The following INPP5D variants were observed in gnomAD, a reference collection of about 807,000 sequenced individuals.
INPP5D encodes inositol polyphosphate-5-phosphatase D.
A neutral mutation model predicts 122.9 loss-of-function variants in INPP5D; 33 were observed. That is an observed-to-expected ratio of 0.27 (90% confidence interval 0.20 to 0.36). INPP5D has a LOEUF of 0.36. Ranked by LOEUF, INPP5D falls within the 10% of genes least tolerant of loss-of-function variation. The pLI, the probability that INPP5D is intolerant of heterozygous loss-of-function variation, is 1.00. For synonymous variants in INPP5D, 584 were observed against 576.2 expected, an observed-to-expected ratio of 1.01 and a Z score of -0.19; for missense variants, 1,053 against 1,412.7, an observed-to-expected ratio of 0.75 and a Z score of 4.08.
At chr2:233,199,263 T>G (rs1307566093) in intron 25 of INPP5D, among the ~76,000 whole-genome samples, 2 of 130,928 alleles carry the variant, frequency 1.5e-5, no homozygotes, top group Non-Finnish European at 3.4e-5. Flanking sequence ...GGTGCATGCC[T>G]GTAATCCCAG....
intron 6 of INPP5D, among the ~76,000 whole-genome samples, chr2:233,144,796 G>A (rs1278302887): frequency 6.6e-6 from 1 of 151,966 alleles, no homozygotes; most frequent in Non-Finnish European, 1.5e-5. Flanking sequence ...GATTGTGGTG[G>A]CCATGCTGAT....
intron 25 of INPP5D, among the ~76,000 whole-genome samples, chr2:233,200,302 T>C (rs1695299000): frequency 6.6e-6 from 1 of 152,214 alleles, no homozygotes; most frequent in South Asian, 2.1e-4. Context: ...GAGCTCTACA[T>C]GTTTCTAGTA....
chr2:233,160,060 G>A lies in INPP5D; in HGVS notation c.1137+1641G>A, dbSNP rs974912966. 3.3e-5 allele frequency among the ~76,000 whole-genome samples: 5 copies of A among 152,126 alleles called. No homozygotes were observed. The highest frequency in any genetic ancestry group is 4.1e-4 in the South Asian group (2 of 4,828). On this transcript the variant is annotated intron_variant, in intron 10 of 26. Coordinates refer to ENST00000445964, the MANE Select transcript of INPP5D (RefSeq NM_001017915.3). This position sits in a 1 kb window ranked among gnomAD's most constrained non-coding sequence, Gnocchi z 4.2. Reference sequence around the variant, plus strand: ...AACACCAGCTCTGCCCCATTGCTGCGACCTCAAAAGGACTGAGGCACAGGG... The same window carrying A: ...AACACCAGCTCTGCCCCATTGCTGCAACCTCAAAAGGACTGAGGCACAGGG...
intron 2 of INPP5D, among the ~76,000 whole-genome samples, chr2:233,084,747 G>A (rs1424757373): frequency 6.6e-6 from 1 of 152,212 alleles, no homozygotes; most frequent in Non-Finnish European, 1.5e-5. Flanking sequence ...ACTTCCTGAA[G>A]TTGCACAACA....
chr2:233,109,703 C>T lies in INPP5D; in HGVS notation c.199-12404C>T, dbSNP rs180773909. Among the ~76,000 whole-genome samples the T allele has an allele frequency of 3.3e-4, 49 of 150,254 alleles. No homozygotes were observed. The East Asian group carries it at 7.6e-3, about 23-fold the overall frequency. On this transcript the variant is annotated intron_variant, in intron 2 of 26. Transcript: ENST00000445964. Reference sequence around the variant, plus strand: ...AAGCAATTCTCCTGCCTCAGCCTCCCGAGTAGCTGGGATTACAGGCGCCTG... The same window carrying T: ...AAGCAATTCTCCTGCCTCAGCCTCCTGAGTAGCTGGGATTACAGGCGCCTG...
At chr2:233,195,682 A>G (rs1695166532) in intron 24 of INPP5D, among the ~76,000 whole-genome samples, 187 bp downstream of exon 24, 1 of 152,238 alleles carries the variant, frequency 6.6e-6, no homozygotes, top group Admixed American at 6.5e-5. Flanking sequence ...CCCTGTCTCT[A>G]CAAAAAAAAT....
At chr2:233,190,060 C>T in intron 22 of INPP5D, 123 bp downstream of exon 22, 1 of 1,439,026 alleles carries the variant, frequency 6.9e-7, no homozygotes, top group Middle Eastern at 2.0e-4. Flanking sequence ...TTTCCTCATC[C>T]CAGGGCTGCT....
intron 2 of INPP5D, among the ~76,000 whole-genome samples, chr2:233,115,923 C>A (rs147941097): frequency 6.6e-6 from 1 of 152,098 alleles, no homozygotes; most frequent in African/African-American, 2.4e-5. Flanking sequence ...TATGACATGA[C>A]GCAGAGTGAG....
chr2:233,158,637 A>G (rs1394509663), intron 10 of INPP5D, among the ~76,000 whole-genome samples: 1 of 152,080 alleles, frequency 6.6e-6, no homozygotes, highest in African/African-American at 2.4e-5. Context: ...GAGGCTTCCC[A>G]CTTTGCCCAG....
At chr2:233,172,477 G>GA (rs1694513415) in intron 17 of INPP5D, among the ~76,000 whole-genome samples, 1 of 152,124 alleles carries the variant, frequency 6.6e-6, no homozygotes, top group African/African-American at 2.4e-5. Flanking sequence ...CCGAATCAGG[G>GA]AAAAAACAGT....
intron 1 of INPP5D, among the ~76,000 whole-genome samples, chr2:233,075,601 G>A (rs538747095): frequency 3.7e-4 from 56 of 150,788 alleles, no homozygotes; most frequent in Non-Finnish European, 5.8e-4. Context: ...ACATGTATAT[G>A]TGTGTGTGTG....
chr2:233,162,516 G>A (rs55801407), intron 11 of INPP5D, among the ~76,000 whole-genome samples: 51,614 of 150,716 alleles, frequency 0.34, 10,933 homozygotes, highest in Non-Finnish European at 0.48. Context: ...TATATATTGT[G>A]TATTTACTAA....
intron 10 of INPP5D, among the ~76,000 whole-genome samples, chr2:233,161,116 G>A (rs1424688842): frequency 6.6e-6 from 1 of 151,220 alleles, no homozygotes; most frequent in Non-Finnish European, 1.5e-5. Flanking sequence ...TTTTGAGACA[G>A]ACTCTAGCTC....
chr2:233,140,300 G>A (rs1249280837), intron 6 of INPP5D: 4 of 155,924 alleles, frequency 2.6e-5, no homozygotes, highest in African/African-American at 9.6e-5. Context: ...AGGAGGAGCA[G>A]GATGAAGGTG....
intron 4 of INPP5D, among the ~76,000 whole-genome samples, chr2:233,129,905 TG>T (rs1375146438): frequency 1.3e-5 from 2 of 151,652 alleles, no homozygotes; most frequent in East Asian, 3.9e-4. Context: ...TGTGTGTGTG[TG>T]TGTGTGTGTG....
At chr2:233,137,790 C>T (rs1409885302) in intron 5 of INPP5D, among the ~76,000 whole-genome samples, 3 of 130,694 alleles carry the variant, frequency 2.3e-5, no homozygotes, top group Non-Finnish European at 4.8e-5. Flanking sequence ...AGAGATACTG[C>T]CCTTGCACTC....
intron 3 of INPP5D, among the ~76,000 whole-genome samples, chr2:233,124,881 A>G (rs1443360711): frequency 6.6e-6 from 1 of 152,258 alleles, no homozygotes; most frequent in Non-Finnish European, 1.5e-5. Flanking sequence ...GCGCAGTCCA[A>G]GAGGTCTGTT....
chr2:233,163,570 G>A, intron 11 of INPP5D, 137 bp from the exon 12 acceptor site: 1 of 1,479,404 alleles, frequency 6.8e-7, no homozygotes, highest in Non-Finnish European at 9.0e-7. Context: ...TCCATTGCAG[G>A]CATTTCTTTG....
chr2:233,136,426 C>T (rs1243463665), intron 5 of INPP5D, among the ~76,000 whole-genome samples: 1 of 151,050 alleles, frequency 6.6e-6, no homozygotes, highest in Admixed American at 6.6e-5. Context: ...TTGCAGTGAG[C>T]CGAGATGGTG....
Sources: allele counts gnomAD v4.1 joint callset (sites outside exome capture counted in the v4.1 genomes callset), GRCh38; gene constraint gnomAD v4.1.1; non-coding constraint Gnocchi (gnomAD v3.1); transcripts MANE v1.5; gene names NCBI Gene and HGNC (gene_info 2026-07-23, HGNC 2026-07-21).